VOPP1: variants seen among roughly 807,000 people sequenced by gnomAD.
The protein encoded by VOPP1 is WW domain binding protein VOPP1.
A neutral mutation model predicts 23.5 loss-of-function variants in VOPP1; 8 were observed. The observed-to-expected ratio is 0.34, with a 90% CI of 0.20 to 0.61. The LOEUF (loss-of-function observed/expected upper bound fraction) is 0.61, where lower values mean the gene tolerates loss of function less well. Ranked by LOEUF, VOPP1 falls within the 20% of genes least tolerant of loss-of-function variation. The probability of loss-of-function intolerance (pLI) is 0.78; values close to 1 mark genes in which losing one functional copy is unlikely to be tolerated. For missense variants in VOPP1, 174 were observed against 238.1 expected (o/e 0.73, Z 1.77); for synonymous variants, 83 against 97.3 (o/e 0.85, Z 0.86).
intron 1 of VOPP1, among the ~76,000 whole-genome samples, chr7:55,533,898 G>A (rs180776179): frequency 8.7e-4 from 132 of 152,216 alleles, no homozygotes; most frequent in Non-Finnish European, 1.5e-3. Flanking sequence ...TGGGTAGGGA[G>A]GTAGATGAGT....
At chr7:55,515,283 C>A (rs557683259) in intron 2 of VOPP1, among the ~76,000 whole-genome samples, 5 of 152,170 alleles carry the variant, frequency 3.3e-5, no homozygotes, top group Non-Finnish European at 7.3e-5. Flanking sequence ...TCCATTCAGG[C>A]ACCGAGGAAG....
chr7:55,483,276 G>T (rs1792877325), intron 4 of VOPP1, among the ~76,000 whole-genome samples: 1 of 152,124 alleles, frequency 6.6e-6, no homozygotes, highest in Non-Finnish European at 1.5e-5. Context: ...GTGAGGGAGA[G>T]CCTGCATTTC....
At chr7:55,564,243 G>GTCTCTCTCTCTCTGTCTCTCTCTC (rs1554302405) in intron 1 of VOPP1, among the ~76,000 whole-genome samples, 1 of 125,896 alleles carries the variant, frequency 7.9e-6, no homozygotes, top group Non-Finnish European at 1.6e-5. Flanking sequence ...CTCTGTCTCT[G>GTCTCTCTCTCTCTGTCTCTCTCTC]TCTCTCTCTC....
At chr7:55,544,919 T>A (rs1797300686) in intron 1 of VOPP1, among the ~76,000 whole-genome samples, 1 of 152,250 alleles carries the variant, frequency 6.6e-6, no homozygotes, top group Non-Finnish European at 1.5e-5. Context: ...ACCAGATATT[T>A]TAAATACATT....
At chr7:55,488,133 ATTTAGGGAGCTC>A in intron 4 of VOPP1, among the ~76,000 whole-genome samples, 1 of 152,334 alleles carries the variant, frequency 6.6e-6, no homozygotes, top group Non-Finnish European at 1.5e-5. Flanking sequence ...GGGGTTGGGC[ATTTAGGGAGCTC>A]TTTCTGCTGC....
At chr7:55,565,895 G>A (rs993817695) in intron 1 of VOPP1, among the ~76,000 whole-genome samples, 1 of 152,142 alleles carries the variant, frequency 6.6e-6, no homozygotes. Context: ...GGACCTGGAG[G>A]GGAACCAAAG....
At chr7:55,450,077 G>C (rs1791205273) in intron 4 of VOPP1, among the ~76,000 whole-genome samples, 1 of 152,210 alleles carries the variant, frequency 6.6e-6, no homozygotes. Flanking sequence ...TAAAGAAAAA[G>C]ACGAGCAACG....
chr7:55,474,849 A>G (rs1250282854), intron 4 of VOPP1, among the ~76,000 whole-genome samples: 2 of 152,368 alleles, frequency 1.3e-5, no homozygotes, highest in South Asian at 2.1e-4. Context: ...GATGAGAAGG[A>G]TGCATAGGCA....
chr7:55,439,350 C>T (rs1790908760), intron 4 of VOPP1, among the ~76,000 whole-genome samples: 2 of 152,130 alleles, frequency 1.3e-5, no homozygotes, highest in Non-Finnish European at 2.9e-5. Context: ...ACGCATGAGA[C>T]AAAAGCCAAG....
intron 4 of VOPP1, among the ~76,000 whole-genome samples, chr7:55,481,691 G>A (rs1437724524): frequency 1.3e-5 from 2 of 152,208 alleles, no homozygotes; most frequent in African/African-American, 4.8e-5. Flanking sequence ...ACAAACTGCA[G>A]GTGTCCTACT....
At chr7:55,492,087 G>C (rs1037214812) in intron 4 of VOPP1, among the ~76,000 whole-genome samples, 195 bp downstream of exon 4, 6 of 152,196 alleles carry the variant, frequency 3.9e-5, no homozygotes. Context: ...AGAATATGAG[G>C]TGACGGGCGT....
intron 1 of VOPP1, among the ~76,000 whole-genome samples, chr7:55,557,205 T>C (rs972729531): frequency 2.0e-5 from 3 of 152,102 alleles, no homozygotes; most frequent in African/African-American, 7.2e-5. Flanking sequence ...GAATGCTAGG[T>C]CCGACTGCAG....
rs539937918 is a variant in VOPP1 at position 55,481,961 on chromosome 7, T to C, written c.329-8916A>G. On this transcript the variant is annotated intron_variant, in intron 4 of 4. Coordinates refer to ENST00000285279, the MANE Select transcript of VOPP1 (RefSeq NM_030796.5). Reference sequence around the variant, plus strand: ...CTAAGCGCTTCTTTCAAATGTTCCATTTATTTTTACATTTTGATCAGATTA... The same window carrying C: ...CTAAGCGCTTCTTTCAAATGTTCCACTTATTTTTACATTTTGATCAGATTA... Among the ~76,000 whole-genome samples, 12 of 152,336 alleles carry C rather than the reference T, an allele frequency of 7.9e-5. No individual in the cohort carries two copies. The East Asian group carries it at 2.3e-3, about 29-fold the overall frequency.
intron 1 of VOPP1, among the ~76,000 whole-genome samples, chr7:55,566,998 C>T (rs141955286): frequency 6.3e-4 from 96 of 152,314 alleles, no homozygotes; most frequent in African/African-American, 2.2e-3. Flanking sequence ...CATTTCCCCT[C>T]AATATTACAG....
intron 1 of VOPP1, among the ~76,000 whole-genome samples, chr7:55,566,303 G>C (rs1202933294): frequency 6.6e-6 from 1 of 151,974 alleles, no homozygotes; most frequent in Non-Finnish European, 1.5e-5. Flanking sequence ...ATTTTGTCAG[G>C]AAAATTACAC....
At chr7:55,483,447 C>T (rs1389530582) in intron 4 of VOPP1, among the ~76,000 whole-genome samples, 2 of 152,132 alleles carry the variant, frequency 1.3e-5, no homozygotes, top group African/African-American at 4.8e-5. Context: ...TCCCTTCACT[C>T]AACCCTTCAG....
intron 1 of VOPP1, 68 bp from the exon 2 acceptor site, chr7:55,521,198 A>C: frequency 6.8e-7 from 1 of 1,462,364 alleles, no homozygotes; most frequent in South Asian, 1.2e-5. Flanking sequence ...AAGCTCTCAC[A>C]AAGGCAGAAA....
At chr7:55,562,079 C>T in intron 1 of VOPP1, 1 of 703,010 alleles carries the variant, frequency 1.4e-6, no homozygotes, top group East Asian at 2.7e-5. Flanking sequence ...TGACTAGGCT[C>T]CAGGTGCAGG....
chr7:55,497,806 CA>C, intron 2 of VOPP1, 116 bp from the exon 3 acceptor site: 1 of 834,066 alleles, frequency 1.2e-6, no homozygotes, highest in Non-Finnish European at 2.0e-6. Context: ...TCAGTAAGAG[CA>C]AAAAGGACAG....
Sources: gnomAD v4.1 joint callset for allele counts (sites outside exome capture counted in the v4.1 genomes callset) on GRCh38, gnomAD v4.1.1 for gene constraint, MANE v1.5 for transcripts, NCBI Gene and HGNC (gene_info 2026-07-23, HGNC 2026-07-21) for gene names.